Variants in NR5A2 observed in about 807,000 individuals in gnomAD.
NR5A2 encodes the protein nuclear receptor subfamily 5 group A member 2, also known as CYP7A promoter-binding factor.
In NR5A2, 26 loss-of-function variants were observed where a neutral mutation model predicts 62.7. That is an observed-to-expected ratio of 0.41 (90% CI 0.30 to 0.58). The LOEUF (loss-of-function observed/expected upper bound fraction) is 0.58, where lower values mean the gene tolerates loss of function less well. NR5A2 is among the 20% of genes least tolerant of loss of function. The pLI is 0.22. For synonymous variants in NR5A2, 246 were observed against 241.7 expected (o/e 1.02, Z -0.16); for missense variants, 541 against 669.1 (o/e 0.81, Z 2.11).
chr1:200,038,086 A>G (rs1420058536), intron 1 of NR5A2, among the ~76,000 whole-genome samples: 2 of 152,274 alleles, frequency 1.3e-5, no homozygotes, highest in Non-Finnish European at 2.9e-5. Flanking sequence ...AGGAGGCTGG[A>G]AAGAATGTTT....
At chr1:200,145,683 G>T (rs1667669577) in intron 7 of NR5A2, among the ~76,000 whole-genome samples, 1 of 152,116 alleles carries the variant, frequency 6.6e-6, no homozygotes, top group African/African-American at 2.4e-5. Flanking sequence ...CTGGAGTGCA[G>T]TGGCAATGGC....
intron 5 of NR5A2, among the ~76,000 whole-genome samples, chr1:200,095,982 A>T (rs1665078775): frequency 6.6e-6 from 1 of 152,218 alleles, no homozygotes. Flanking sequence ...AATGGCCAAC[A>T]TCATTAAGAC....
chr1:200,153,463 C>T (rs1456603682), intron 7 of NR5A2, among the ~76,000 whole-genome samples: 1 of 152,158 alleles, frequency 6.6e-6, no homozygotes, highest in Non-Finnish European at 1.5e-5. Flanking sequence ...ACAGAGGGTA[C>T]GAGCTCTGGC....
At chr1:200,125,754 T>C (rs999093624) in intron 7 of NR5A2, among the ~76,000 whole-genome samples, 16 of 152,204 alleles carry the variant, frequency 1.1e-4, no homozygotes, top group African/African-American at 3.9e-4. Flanking sequence ...CAGTATTGTT[T>C]ATTAATAAAA....
rs1159473593 is a variant in NR5A2 at position 200,175,841 on chromosome 1, T to C, written c.*1631T>C. ...GGCGGCACAATCACTTTGTAGAAACTGTAAAAAATAAAAGTATCTCCTAGT... is the reference window on the plus strand; with the variant it reads ...GGCGGCACAATCACTTTGTAGAAACCGTAAAAAATAAAAGTATCTCCTAGT... On this transcript the variant is annotated 3_prime_UTR_variant, in exon 8 of 8. Transcript: ENST00000367362. 6.6e-6 allele frequency: 1 copy of C among 152,614 alleles called. No homozygotes were observed. Among genetic ancestry groups the C allele is most frequent in the Non-Finnish European group, 1.5e-5 (1 of 68,028 alleles). 9.5% of individuals were successfully genotyped at this position (152,614 alleles called of 1,614,324 possible). A position where few individuals can be genotyped will look rare whatever the true frequency, so the allele number is the denominator to read the frequency against.
chr1:200,146,857 A>G (rs1430122786), intron 7 of NR5A2, among the ~76,000 whole-genome samples: 1 of 152,226 alleles, frequency 6.6e-6, no homozygotes, highest in Admixed American at 6.5e-5. Flanking sequence ...ATAATAATTT[A>G]CTTATCAAAA....
At chr1:200,133,926 T>C (rs979760154) in intron 7 of NR5A2, among the ~76,000 whole-genome samples, 14 of 152,076 alleles carry the variant, frequency 9.2e-5, no homozygotes, top group South Asian at 4.1e-4. Flanking sequence ...ACAGTGATAT[T>C]GATGATCCTG....
intron 7 of NR5A2, among the ~76,000 whole-genome samples, chr1:200,158,946 C>T (rs1653510102): frequency 6.6e-6 from 1 of 150,772 alleles, no homozygotes; most frequent in Non-Finnish European, 1.5e-5. Flanking sequence ...GTCACCCAGG[C>T]TAGAATGGCC....
At position 200,068,134 on chromosome 1, in the gene NR5A2, T is replaced by C. The variant is rs556577259; in HGVS notation, c.1110+19316T>C. ...ATTTTTTGTAAGCTTTATCTTCAAT[T>C]CTTTAATGATCTTTGTTGCTTTTTA... On this transcript the variant is annotated intron_variant, in intron 5 of 7. Coordinates refer to ENST00000367362, the MANE Select transcript of NR5A2 (RefSeq NM_205860.3). Among the ~76,000 whole-genome samples the C allele has an allele frequency of 5.9e-5, 9 of 152,356 alleles. 1 individual carries two copies. In the South Asian group the frequency reaches 1.9e-3, roughly 32 times the overall value.
intron 7 of NR5A2, among the ~76,000 whole-genome samples, chr1:200,123,099 G>T (rs1054513334): frequency 6.6e-6 from 1 of 152,072 alleles, no homozygotes. Context: ...TGTCCCAGAT[G>T]CTCCTCCTGA....
At chr1:200,061,842 G>A (rs1663234884) in intron 5 of NR5A2, among the ~76,000 whole-genome samples, 1 of 152,170 alleles carries the variant, frequency 6.6e-6, no homozygotes, top group South Asian at 2.1e-4. Context: ...CACCTCCTAT[G>A]AATTGACTGT....
intron 7 of NR5A2, among the ~76,000 whole-genome samples, chr1:200,130,596 TATTA>T (rs1177010638): frequency 5.9e-5 from 9 of 152,244 alleles, no homozygotes; most frequent in East Asian, 3.8e-4. Context: ...AATTTATGCT[TATTA>T]ATTCTGAAAT....
chr1:200,173,221 A>G (rs998407454), intron 7 of NR5A2, among the ~76,000 whole-genome samples: 5 of 152,194 alleles, frequency 3.3e-5, no homozygotes, highest in African/African-American at 1.2e-4. Flanking sequence ...TCTTCTCTAC[A>G]TGAGTGACCA....
chr1:200,056,895 G>A (rs1662938280), intron 5 of NR5A2, among the ~76,000 whole-genome samples: 1 of 152,102 alleles, frequency 6.6e-6, no homozygotes, highest in African/African-American at 2.4e-5. Context: ...TCTGAACAGT[G>A]AGAGTAGGAC....
intron 7 of NR5A2, among the ~76,000 whole-genome samples, chr1:200,158,098 C>T (rs1391146759): frequency 6.6e-6 from 1 of 152,166 alleles, no homozygotes; most frequent in Non-Finnish European, 1.5e-5. Context: ...TTCACTAATT[C>T]AGGACATTTC....
chr1:200,145,314 A>C (rs1201555027), intron 7 of NR5A2, among the ~76,000 whole-genome samples: 2 of 152,146 alleles, frequency 1.3e-5, no homozygotes, highest in Non-Finnish European at 2.9e-5. Context: ...TCTCAAAAAA[A>C]AATTTTTTTT....
intron 7 of NR5A2, among the ~76,000 whole-genome samples, chr1:200,168,037 C>CTGAATGAATAAATGAATGAA: frequency 6.6e-6 from 1 of 151,784 alleles, no homozygotes; most frequent in Non-Finnish European, 1.5e-5. Flanking sequence ...GCTGTTAAGA[C>CTGAATGAATAAATGAATGAA]TGAATGAATA....
At chr1:200,114,693 G>A (rs1666134666) in intron 6 of NR5A2, among the ~76,000 whole-genome samples, 1 of 152,094 alleles carries the variant, frequency 6.6e-6, no homozygotes, top group Non-Finnish European at 1.5e-5. Flanking sequence ...CCAGCGCAAG[G>A]GTGACATTTA....
At chr1:200,058,572 C>G (rs1309864457) in intron 5 of NR5A2, 1 of 151,852 alleles carries the variant, frequency 6.6e-6, no homozygotes, top group African/African-American at 2.4e-5. Context: ...CCTCCGCCTT[C>G]CCGGTTCAAG....
Sources: gnomAD v4.1 joint callset for allele counts (sites outside exome capture counted in the v4.1 genomes callset) on GRCh38, gnomAD v4.1.1 for gene constraint, MANE v1.5 for transcripts, NCBI Gene and HGNC (gene_info 2026-07-23, HGNC 2026-07-21) for gene names.